CNTNAP2: variants seen among roughly 807,000 people sequenced by gnomAD.
CNTNAP2 encodes contactin-associated protein-like 2.
In CNTNAP2, 98 loss-of-function variants were observed where a neutral mutation model predicts 155.2. The ratio of observed to expected loss-of-function variants is 0.63; its 90% CI spans 0.54 to 0.75. The LOEUF is 0.75. Among genes scored for constraint, CNTNAP2 ranks in the 30% least tolerant of loss-of-function variants. CNTNAP2 has a pLI of 0.00. For synonymous variants in CNTNAP2, 651 were observed against 631.2 expected (o/e 1.03, Z -0.47); for missense variants, 1,727 against 1,688.1 (o/e 1.02, Z -0.40).
chr7:146,692,574 A>G (rs905545149), intron 1 of CNTNAP2, among the ~76,000 whole-genome samples: 2 of 152,180 alleles, frequency 1.3e-5, no homozygotes, highest in Non-Finnish European at 2.9e-5. Context: ...GATTGTGGTT[A>G]ACAAAGAATT....
intron 21 of CNTNAP2, among the ~76,000 whole-genome samples, chr7:148,337,151 C>T (rs960462408): frequency 6.6e-6 from 1 of 152,084 alleles, no homozygotes; most frequent in African/African-American, 2.4e-5. Context: ...TCACATTTCC[C>T]CCCATTCCTC....
intron 13 of CNTNAP2, among the ~76,000 whole-genome samples, chr7:147,691,834 T>G (rs1796091302): frequency 6.6e-6 from 1 of 152,148 alleles, no homozygotes; most frequent in Non-Finnish European, 1.5e-5. Flanking sequence ...GTGGCTTGAT[T>G]TGTTACAATC....
chr7:147,758,934 T>C lies in CNTNAP2; in HGVS notation c.2098+119628T>C, dbSNP rs552017950. On this transcript the variant is annotated intron_variant, in intron 13 of 23. Coordinates refer to ENST00000361727, the MANE Select transcript of CNTNAP2 (RefSeq NM_014141.6). ...TTCAGGTTATTCTGAAGAACAATGC[T>C]ATTCTTTTTCTTTAGATTTCCTTCC... 1.7e-3 allele frequency among the ~76,000 whole-genome samples: 252 copies of C among 152,334 alleles called. 1 individual carries two copies. Among genetic ancestry groups the C allele is most frequent in the African/African-American group, 5.7e-3 (239 of 41,586 alleles).
chr7:146,910,336 C>T lies in CNTNAP2; in HGVS notation c.402+70432C>T, dbSNP rs199838897. On this transcript the variant is annotated intron_variant, in intron 3 of 23. Coordinates refer to ENST00000361727, the MANE Select transcript of CNTNAP2 (RefSeq NM_014141.6). ...GTTCATATGGTACCAAAAAAGAGCC[C>T]GCATCGCCAAGTCAATCCTAAGCCA... Among the ~76,000 whole-genome samples the T allele has an allele frequency of 1.7e-3, 260 of 148,858 alleles. 7 individuals carry two copies. The East Asian group carries it at 0.041, about 23-fold the overall frequency.
chr7:148,386,892 G>T (rs987951634), intron 22 of CNTNAP2, among the ~76,000 whole-genome samples: 1 of 152,166 alleles, frequency 6.6e-6, no homozygotes, highest in Admixed American at 6.5e-5. Context: ...AAAAGAGGCA[G>T]TGGGGGAAAA....
chr7:146,906,563 G>T (rs1427311751), intron 3 of CNTNAP2, among the ~76,000 whole-genome samples: 3 of 151,990 alleles, frequency 2.0e-5, no homozygotes, highest in Non-Finnish European at 4.4e-5. Context: ...ACACAGCAGG[G>T]TATTCCAACA....
chr7:146,223,262 G>C (rs143242518), intron 1 of CNTNAP2, among the ~76,000 whole-genome samples: 5 of 152,284 alleles, frequency 3.3e-5, no homozygotes, highest in Admixed American at 6.5e-5. Flanking sequence ...AAGATGTTTG[G>C]ACAAGAGAGG....
chr7:146,826,885 A>T (rs977179204), intron 2 of CNTNAP2, among the ~76,000 whole-genome samples: 4 of 148,094 alleles, frequency 2.7e-5, no homozygotes, highest in Non-Finnish European at 5.9e-5. Context: ...GAGAGACTTG[A>T]GTAAGAATAT....
intron 3 of CNTNAP2, among the ~76,000 whole-genome samples, chr7:147,022,385 C>T (rs1003571800): frequency 9.2e-5 from 14 of 152,210 alleles, no homozygotes; most frequent in Non-Finnish European, 1.6e-4. Context: ...CCACTTTCTG[C>T]TTCTCCATAT....
chr7:148,229,663 T>TA lies in CNTNAP2; in HGVS notation c.3266dup (p.Tyr1089Ter). The change falls in exon 20 of 24, where the codon TAC becomes TAAC. Residue 1089 changes from tyrosine to a stop codon, truncating the protein, a stop_gained and frameshift_variant. Transcript: ENST00000361727. LOFTEE classifies it high-confidence loss of function. ...VKPTGSLQIR[Y>*]NLGGTREPYN... Reference sequence around the variant, plus strand: ...TTCTATAGGAAGCTTACAGATTCGATACAACCTGGGTGGCACCCGAGAGCC... The same window carrying TA: ...TTCTATAGGAAGCTTACAGATTCGATAACAACCTGGGTGGCACCCGAGAGCC... 6.2e-7 allele frequency: 1 copy of TA among 1,614,188 alleles called. No homozygotes were observed. Among genetic ancestry groups the TA allele is most frequent in the Non-Finnish European group, 8.5e-7 (1 of 1,180,036 alleles).
chr7:147,001,395 G>A (rs963291503), intron 3 of CNTNAP2, among the ~76,000 whole-genome samples: 7 of 151,944 alleles, frequency 4.6e-5, no homozygotes, highest in East Asian at 3.9e-4. Context: ...AAACAGACAC[G>A]CATCTTTTAA....
At chr7:147,898,800 G>A (rs1585017164) in intron 13 of CNTNAP2, among the ~76,000 whole-genome samples, 1 of 152,282 alleles carries the variant, frequency 6.6e-6, no homozygotes, top group Non-Finnish European at 1.5e-5. Context: ...TTACAGGTGT[G>A]AGCCACCACG....
At chr7:146,166,927 G>A (rs535585458) in intron 1 of CNTNAP2, among the ~76,000 whole-genome samples, 31 of 152,298 alleles carry the variant, frequency 2.0e-4, no homozygotes, top group African/African-American at 7.5e-4. Context: ...AATTAAAAAA[G>A]AAGTCCGAAA....
intron 21 of CNTNAP2, among the ~76,000 whole-genome samples, chr7:148,305,579 T>C (rs1469948650): frequency 6.6e-6 from 1 of 152,208 alleles, no homozygotes; most frequent in Non-Finnish European, 1.5e-5. Context: ...ACAGGAAGTC[T>C]GGCTAAGACG....
intron 20 of CNTNAP2, among the ~76,000 whole-genome samples, chr7:148,238,379 T>C (rs1796084297): frequency 6.6e-6 from 1 of 152,026 alleles, no homozygotes; most frequent in African/African-American, 2.4e-5. Flanking sequence ...ATGAATAAGG[T>C]CCCAGTGCTC....
chr7:146,331,291 G>A (rs1473471317), intron 1 of CNTNAP2, among the ~76,000 whole-genome samples: 1 of 140,452 alleles, frequency 7.1e-6, no homozygotes. Context: ...GCGACAGAGC[G>A]AGACTCCGTC....
intron 3 of CNTNAP2, among the ~76,000 whole-genome samples, chr7:146,890,360 A>T (rs1795751161): frequency 6.6e-6 from 1 of 152,146 alleles, no homozygotes; most frequent in African/African-American, 2.4e-5. Flanking sequence ...TTGCCCAAGG[A>T]CCCACAGATT....
intron 9 of CNTNAP2, among the ~76,000 whole-genome samples, chr7:147,377,061 C>CTT (rs1796447016): frequency 6.6e-6 from 1 of 151,778 alleles, no homozygotes; most frequent in Admixed American, 6.6e-5. Context: ...TCTGTCTTTT[C>CTT]AGTATAGTAT....
At chr7:146,683,850 G>C (rs1038363249) in intron 1 of CNTNAP2, among the ~76,000 whole-genome samples, 1 of 152,168 alleles carries the variant, frequency 6.6e-6, no homozygotes. Context: ...AATGATATAT[G>C]TACAAATATT....
Sources: gnomAD v4.1 joint callset for allele counts (sites outside exome capture counted in the v4.1 genomes callset) on GRCh38, gnomAD v4.1.1 for gene constraint, MANE v1.5 for transcripts, NCBI Gene and HGNC (gene_info 2026-07-23, HGNC 2026-07-21) for gene names.